VAT1: variants seen among roughly 807,000 people sequenced by gnomAD.
VAT1 encodes vesicle amine transport 1, also known as NADPH-dependent quinone oxidoreductase VAT1.
Under a neutral mutation model 33.3 loss-of-function variants are expected in VAT1, and 24 were observed. That is an observed-to-expected ratio of 0.72 (90% CI 0.52 to 1.01). VAT1 has a LOEUF of 1.01. Ranked by LOEUF, VAT1 falls within the 50% of genes least tolerant of loss-of-function variation. VAT1 has a pLI of 0.00. For synonymous variants in VAT1, 212 were observed against 225.0 expected (o/e 0.94, Z 0.52); for missense variants, 436 against 533.7 (o/e 0.82, Z 1.80).
At position 43,022,232 on chromosome 17, in the gene VAT1, G is replaced by GC; in HGVS notation, c.90dup (p.His31AlafsTer66). Reference sequence around the variant, plus strand: ...GCGGCCCCTTCGGAGGCCGCGGGATGCTGGGGGTCGCTCGCTGCCTCGGTT... The same window carrying GC: ...GCGGCCCCTTCGGAGGCCGCGGGATGCCTGGGGGTCGCTCGCTGCCTCGGTT... On this transcript the variant is annotated frameshift_variant, in exon 1 of 6. Coordinates refer to ENST00000355653, the MANE Select transcript of VAT1 (RefSeq NM_006373.4). LOFTEE classifies it high-confidence loss of function. 1 of 1,574,484 alleles carries GC rather than the reference G, an allele frequency of 6.4e-7. No homozygotes were observed. The highest frequency in any genetic ancestry group is 8.6e-7 in the Non-Finnish European group (1 of 1,160,598).
chr17:43,017,818 C>T (rs770931621), intron 4 of VAT1, 23 bp downstream of exon 4: 2 of 1,612,148 alleles, frequency 1.2e-6, no homozygotes, highest in Admixed American at 1.7e-5. Context: ...CATGCTCTCT[C>T]CATCCCTGGC....
rs114948631 is a variant in VAT1, at chr17:43,018,241, G to A, written c.596-35C>T. 9.9e-4 allele frequency: 1,576 copies of A among 1,586,512 alleles called. 9 individuals are homozygous for A. In the African/African-American group the frequency reaches 0.018, roughly 18 times the overall value. On this transcript the variant is annotated intron_variant, in intron 2 of 5. Transcript: ENST00000355653. ...GACACCCATAAGCAGGGGATATGGA[G>A]TTGCCCTGGCCACCAACCACTCCAT...
Position 43,016,187 on chromosome 17 carries a change from C to T in VAT1, c.1099-43G>A, listed in dbSNP as rs1278714310. 1.2e-5 allele frequency: 19 copies of T among 1,613,716 alleles called. 1 individual carries two copies. Among genetic ancestry groups the T allele is most frequent in the Non-Finnish European group, 1.6e-5 (19 of 1,179,748 alleles). On this transcript the variant is annotated intron_variant, in intron 5 of 5. Transcript: ENST00000355653. ...ATGCGGCTCCCAGTGCTATCCAACC[C>T]TCATCCAACAAGAGCCAGTGTGATG...
chr17:43,022,199 C>A lies in VAT1; in HGVS notation c.124G>T (p.Ala42Ser). The A allele has an allele frequency of 6.4e-7, 1 of 1,555,716 alleles. No homozygotes were observed. Among genetic ancestry groups the A allele is most frequent in the East Asian group, 2.4e-5 (1 of 41,282 alleles). Residue 42 changes from alanine (A) to serine (S), a missense_variant, in exon 1 of 6, where the codon GCC becomes TCC. By Grantham distance (99) the Ala-to-Ser change is moderately conservative. Coordinates refer to ENST00000355653, the MANE Select transcript of VAT1 (RefSeq NM_006373.4). ...CAGCGCAGCAGTGGCGGCGAGGCGG[C>A]GGCGGCGGCGGCCCCTTCGGAGGCC... ...PAASEGAAAA[A>S]ASPPLLRCLV...
At chr17:43,018,907 A>G in intron 1 of VAT1, 108 bp from the exon 2 acceptor site, 1 of 1,013,672 alleles carries the variant, frequency 9.9e-7, no homozygotes, top group Non-Finnish European at 1.5e-6. Context: ...AAGTAGCAGG[A>G]GAAGCAGCAA....
intron 2 of VAT1, 54 bp downstream of exon 2, chr17:43,018,538 C>T: frequency 1.9e-6 from 3 of 1,591,688 alleles, no homozygotes; most frequent in Non-Finnish European, 2.6e-6. Flanking sequence ...AGGGAAGGGG[C>T]CTGGAAGGAA....
At chr17:43,019,004 C>A (rs1264155861) in intron 1 of VAT1, 1 of 609,200 alleles carries the variant, frequency 1.6e-6, no homozygotes, top group Non-Finnish European at 2.9e-6. Context: ...GGGCCGAGCC[C>A]GATTTCAAGT....
At position 43,018,091 on chromosome 17, in the gene VAT1, G is replaced by C. The variant is rs770248477; in HGVS notation, c.711C>G (p.Pro237=). ...CGTAGTCAGTCGTGTGATAGTCGAT[G>C]GGATGTGTGACCCCATTCTCCTTCA... is the stretch of plus-strand genomic sequence containing the variant. ...EALKENGVTH[P]IDYHTTDYVD... The change falls in exon 3 of 6, where the codon CCC becomes CCG. Residue 237 remains proline, a synonymous_variant. Coordinates refer to ENST00000355653, the MANE Select transcript of VAT1 (RefSeq NM_006373.4). 1 of 1,614,128 alleles carries C rather than the reference G, an allele frequency of 6.2e-7. No homozygotes were observed. Among genetic ancestry groups the C allele is most frequent in the South Asian group, 1.1e-5 (1 of 91,078 alleles).
At chr17:43,018,877 A>G (rs2050543140) in intron 1 of VAT1, 78 bp from the exon 2 acceptor site, 1 of 1,485,624 alleles carries the variant, frequency 6.7e-7, no homozygotes, top group South Asian at 1.2e-5. Flanking sequence ...CCTAGGTACA[A>G]GGCTACCTTC....
intron 1 of VAT1, among the ~76,000 whole-genome samples, chr17:43,021,286 C>T (rs1243327323): frequency 6.6e-6 from 1 of 152,206 alleles, no homozygotes; most frequent in East Asian, 1.9e-4. Context: ...GATCGGATGA[C>T]CCAATCCCGC....
chr17:43,017,731 C>A, intron 4 of VAT1, 110 bp downstream of exon 4: 2 of 931,862 alleles, frequency 2.1e-6, no homozygotes, highest in South Asian at 3.1e-5. Flanking sequence ...CTACAGAGCA[C>A]CTGAGTCCCT....
intron 1 of VAT1, chr17:43,019,121 G>A: frequency 3.0e-6 from 1 of 328,804 alleles, no homozygotes; most frequent in Non-Finnish European, 5.7e-6. Flanking sequence ...TAAGATCCCT[G>A]AATGCAAGAA....
In VAT1 at chr17:43,016,007, G is replaced by A. The variant is rs969042025; in HGVS notation, c.*54C>T. ...ATGCAAGTCTGGTGGCCAACAGAAC[G>A]TAGCTTCCCAACTTCTCCCTTCGCT... is the stretch of plus-strand genomic sequence containing the variant. On this transcript the variant is annotated 3_prime_UTR_variant, in exon 6 of 6. Coordinates refer to ENST00000355653, the MANE Select transcript of VAT1 (RefSeq NM_006373.4). 6.9e-6 allele frequency: 11 copies of A among 1,593,300 alleles called. No individual in the cohort carries two copies. The highest frequency in any genetic ancestry group is 1.7e-4 in the Middle Eastern group (1 of 6,010).
rs1354072640 is a variant in VAT1, at chr17:43,015,902, C to G, written c.*159G>C. ...CCCAACCTCTTCAGAGGTCAGGAAG[C>G]GGGGAGGGGCAGGGGAGAGCGGTCA... On this transcript the variant is annotated 3_prime_UTR_variant, in exon 6 of 6. Coordinates refer to ENST00000355653, the MANE Select transcript of VAT1 (RefSeq NM_006373.4). 4 of 791,114 alleles carry G rather than the reference C, an allele frequency of 5.1e-6. No individual in the cohort carries two copies. The Admixed American group carries it at 9.0e-5, about 18-fold the overall frequency. The allele number at this position is 791,114 out of a possible 1,614,324, so 49.0% of individuals were successfully genotyped here.
At chr17:43,018,305 G>C in intron 2 of VAT1, 99 bp from the exon 3 acceptor site, 1 of 1,389,534 alleles carries the variant, frequency 7.2e-7, no homozygotes, top group Non-Finnish European at 9.8e-7. Flanking sequence ...CCTTCATTTT[G>C]CCTACGCTCA....
At position 43,018,575 on chromosome 17, in the gene VAT1, G is replaced by C. The variant is rs751112373; in HGVS notation, c.595+17C>G. 1 of 1,612,428 alleles carries C rather than the reference G, an allele frequency of 6.2e-7. No individual in the cohort carries two copies. The highest frequency in any genetic ancestry group is 1.3e-5 in the African/African-American group (1 of 74,882). Reference sequence around the variant, plus strand: ...TCTGGGTGGGGTAAGGGGTGATAAAGTGAGGGGACCTGTCACCTGCAGCCA... The same window carrying C: ...TCTGGGTGGGGTAAGGGGTGATAAACTGAGGGGACCTGTCACCTGCAGCCA... On this transcript the variant is annotated intron_variant, in intron 2 of 5. Coordinates refer to ENST00000355653, the MANE Select transcript of VAT1 (RefSeq NM_006373.4).
At chr17:43,020,206 C>A (rs992536036) in intron 1 of VAT1, 3 of 985,306 alleles carry the variant, frequency 3.0e-6, no homozygotes, top group Non-Finnish European at 3.6e-6. Flanking sequence ...AACCCAGACA[C>A]CAGGAAGGAG....
At chr17:43,017,180 T>C (rs1168010499) in intron 4 of VAT1, among the ~76,000 whole-genome samples, 1 of 139,750 alleles carries the variant, frequency 7.2e-6, no homozygotes, top group African/African-American at 2.7e-5. Context: ...CTGGCTTATT[T>C]TGTTGTATGA....
In VAT1 at chr17:43,022,208, C is replaced by T. The variant is rs200498393; in HGVS notation, c.115G>A (p.Ala39Thr). The T allele has an allele frequency of 3.3e-4, 515 of 1,558,338 alleles. 5 individuals are homozygous for T. In the East Asian group the frequency reaches 7.1e-3, roughly 21 times the overall value. Reference protein sequence around the residue: ...PQHPAASEGAAAAAASPPLLR... With the variant: ...PQHPAASEGATAAAASPPLLR... The stretch of plus-strand genomic sequence containing the variant: ...AGTGGCGGCGAGGCGGCGGCGGCGG[C>T]GGCCCCTTCGGAGGCCGCGGGATGC... Residue 39 changes from alanine (A) to threonine (T), a missense_variant, in exon 1 of 6, where the codon GCC becomes ACC. By Grantham distance (58) the Ala-to-Thr change is moderately conservative. Around this residue, in one of 2 missense-constraint regions of VAT1, gnomAD observed 154 missense variants for 128.3 expected, o/e 1.20. Coordinates refer to ENST00000355653, the MANE Select transcript of VAT1 (RefSeq NM_006373.4).
Sources: allele counts gnomAD v4.1 joint callset (sites outside exome capture counted in the v4.1 genomes callset), GRCh38; gene constraint gnomAD v4.1.1; regional missense constraint gnomAD v4.1.1; transcripts MANE v1.5; gene names NCBI Gene and HGNC (gene_info 2026-07-23, HGNC 2026-07-21).